Variants in GSE1 observed in about 807,000 individuals in gnomAD.
GSE1 encodes Gse1 coiled-coil protein.
In GSE1, 32 loss-of-function variants were observed where a neutral mutation model predicts 112.6. That is an observed-to-expected ratio of 0.28 (90% CI 0.21 to 0.38). GSE1 has a LOEUF of 0.38. Ranked by LOEUF, GSE1 falls within the 10% of genes least tolerant of loss-of-function variation. The probability of loss-of-function intolerance (pLI) is 1.00; values close to 1 mark genes in which losing one functional copy is unlikely to be tolerated. For missense variants in GSE1, 2,348 were observed against 1,699.2 expected, an observed-to-expected ratio of 1.38 and a Z score of -6.71; for synonymous variants, 1,115 against 735.6, an observed-to-expected ratio of 1.52 and a Z score of -8.35.
intron 1 of GSE1, among the ~76,000 whole-genome samples, chr16:85,207,642 G>A (rs570333731): frequency 3.3e-4 from 50 of 152,340 alleles, no homozygotes; most frequent in African/African-American, 1.1e-3. Context: ...AGATGAGGCT[G>A]GGTTGAATCC....
intron 2 of GSE1, among the ~76,000 whole-genome samples, chr16:85,527,028 G>C (rs1295172926): frequency 6.6e-6 from 1 of 152,228 alleles, no homozygotes; most frequent in Non-Finnish European, 1.5e-5. Flanking sequence ...CCGTGGTGCA[G>C]GGATTTGGGG....
rs527695604 is a variant in GSE1 at position 85,294,071 on chromosome 16, A to T, written c.2284-63392A>T. Among the ~76,000 whole-genome samples, 648 of 152,290 alleles carry T rather than the reference A, an allele frequency of 4.3e-3. 3 individuals carry two copies. The highest frequency in any genetic ancestry group is 4.8e-3 in the Admixed American group (73 of 15,302). ...TCCCCGGCCGCTGGTGAAATGAGAA[A>T]ACACCGGCAAAGACTCCAGAGCATA... On this transcript the variant is annotated intron_variant, in intron 1 of 2. Transcript: ENST00000637419.
chr16:85,528,982 A>G (rs1485991989), intron 2 of GSE1, among the ~76,000 whole-genome samples: 1 of 152,136 alleles, frequency 6.6e-6, no homozygotes, highest in African/African-American at 2.4e-5. Flanking sequence ...TTTACTCAGA[A>G]TCAAATGGGA....
intron 2 of GSE1, among the ~76,000 whole-genome samples, chr16:85,491,457 G>A (rs1307559850): frequency 1.3e-5 from 2 of 152,184 alleles, no homozygotes; most frequent in Non-Finnish European, 2.9e-5. Flanking sequence ...AGTGGGTTGG[G>A]AGGGGCTTTA....
intron 2 of GSE1, among the ~76,000 whole-genome samples, chr16:85,547,839 A>C (rs2044753254): frequency 6.8e-6 from 1 of 147,946 alleles, no homozygotes; most frequent in African/African-American, 2.5e-5. Flanking sequence ...AGATGACACC[A>C]CTGCACTCCA....
At chr16:85,641,485 C>T (rs746896539) in intron 2 of GSE1, among the ~76,000 whole-genome samples, 1 of 149,084 alleles carries the variant, frequency 6.7e-6, no homozygotes, top group Non-Finnish European at 1.5e-5. Flanking sequence ...GGCCGCGGGT[C>T]GGGAGAGCCC....
In GSE1 at chr16:85,274,843, T is replaced by C. The variant is rs1346075244; in HGVS notation, c.2284-82620T>C. ...ACTGGCACCTGCCTCCAGCAGCAGG[T>C]CACCTGCAGAAAGCTCAGTCCTGGA... is the stretch of plus-strand genomic sequence containing the variant. On this transcript the variant is annotated intron_variant, in intron 1 of 2. Transcript: ENST00000637419. Among the ~76,000 whole-genome samples, 3 of 152,218 alleles carry C rather than the reference T, an allele frequency of 2.0e-5. No homozygotes were observed. The East Asian group carries it at 5.8e-4, about 29-fold the overall frequency.
chr16:85,236,563 G>A (rs1904689261), intron 1 of GSE1, among the ~76,000 whole-genome samples: 1 of 152,182 alleles, frequency 6.6e-6, no homozygotes, highest in Admixed American at 6.5e-5. Context: ...GGTGTGGAGA[G>A]AGAACAGTGT....
At chr16:85,481,529 A>G (rs1163987322) in intron 2 of GSE1, among the ~76,000 whole-genome samples, 2 of 152,184 alleles carry the variant, frequency 1.3e-5, no homozygotes, top group Non-Finnish European at 1.5e-5. Flanking sequence ...TCTTCCTTCC[A>G]GGTGGGGAGT....
At chr16:85,452,236 G>A (rs1013398416) in intron 2 of GSE1, among the ~76,000 whole-genome samples, 9 of 152,204 alleles carry the variant, frequency 5.9e-5, no homozygotes, top group Non-Finnish European at 1.0e-4. Context: ...GACTCCTCGC[G>A]TCCCTAATGT....
intron 1 of GSE1, among the ~76,000 whole-genome samples, chr16:85,626,975 A>C (rs1005947371): frequency 2.0e-5 from 3 of 148,402 alleles, no homozygotes; most frequent in African/African-American, 7.5e-5. Flanking sequence ...GGGTTCCGGA[A>C]AATAGCAGCT....
At chr16:85,249,429 C>G (rs1906211919) in intron 1 of GSE1, among the ~76,000 whole-genome samples, 1 of 152,236 alleles carries the variant, frequency 6.6e-6, no homozygotes, top group Admixed American at 6.5e-5. Context: ...GGCAGCAACC[C>G]CGAGGTGAGG....
rs1401987700 is a variant in GSE1 at position 85,664,961 on chromosome 16, C to G, written c.2645-54C>G. ...GCTCGGCTAGAATCCCGCTGTCCTTCTCTCCAAAAAATGATGCAACTGGCT... is the reference window on the plus strand; with the variant it reads ...GCTCGGCTAGAATCCCGCTGTCCTTGTCTCCAAAAAATGATGCAACTGGCT... On this transcript the variant is annotated intron_variant, in intron 11 of 15. Coordinates refer to ENST00000253458, the MANE Select transcript of GSE1 (RefSeq NM_014615.5). 6 of 1,196,724 alleles carry G rather than the reference C, an allele frequency of 5.0e-6. No individual in the cohort carries two copies. The Admixed American group carries it at 1.0e-4, about 20-fold the overall frequency. The allele number at this position is 1,196,724 out of a possible 1,614,324, so 74.1% of individuals were successfully genotyped here.
intron 1 of GSE1, among the ~76,000 whole-genome samples, chr16:85,326,860 C>G (rs1326454040): frequency 1.3e-5 from 2 of 152,230 alleles, no homozygotes; most frequent in Middle Eastern, 3.2e-3. Context: ...CAGTCCCTGC[C>G]TGGAAACATT....
In GSE1 at chr16:85,675,506, G is replaced by T. The variant is rs1208719100; in HGVS notation, c.*2967G>T. 2 of 152,110 alleles carry T rather than the reference G, an allele frequency of 1.3e-5. No homozygotes were observed. Among genetic ancestry groups the T allele is most frequent in the African/African-American group, 2.4e-5 (1 of 41,398 alleles). 9.4% of individuals were successfully genotyped at this position (152,110 alleles called of 1,614,324 possible). On this transcript the variant is annotated 3_prime_UTR_variant, in exon 16 of 16. Coordinates refer to ENST00000253458, the MANE Select transcript of GSE1 (RefSeq NM_014615.5). ...CTTAAAGGAATAAAGCACTGAATTG[G>T]GACTAACATTCTGATAGGTTGCACC...
At chr16:85,182,050 G>A (rs1427267348) in intron 1 of GSE1, among the ~76,000 whole-genome samples, 2 of 152,220 alleles carry the variant, frequency 1.3e-5, no homozygotes, top group Non-Finnish European at 2.9e-5. Context: ...CCAGAATGTG[G>A]CTTCGTGCTC....
chr16:85,413,832 T>C (rs1597678873), intron 2 of GSE1, among the ~76,000 whole-genome samples: 1 of 151,998 alleles, frequency 6.6e-6, no homozygotes, highest in Non-Finnish European at 1.5e-5. Context: ...TGGTGGGAGG[T>C]GACTAGATCA....
intron 1 of GSE1, among the ~76,000 whole-genome samples, chr16:85,258,690 G>C (rs140322194): frequency 6.6e-5 from 10 of 152,246 alleles, no homozygotes; most frequent in African/African-American, 2.4e-4. Flanking sequence ...GGGGTTCCCA[G>C]ATGTCCTTCC....
chr16:85,396,191 C>G (rs1264153117), intron 2 of GSE1, among the ~76,000 whole-genome samples: 3 of 152,186 alleles, frequency 2.0e-5, no homozygotes, highest in Non-Finnish European at 4.4e-5. Context: ...TTGCCCCTGC[C>G]CGTCTCCTCC....
Sources: gnomAD v4.1 joint callset for allele counts (sites outside exome capture counted in the v4.1 genomes callset) on GRCh38, gnomAD v4.1.1 for gene constraint, MANE v1.5 for transcripts, NCBI Gene and HGNC (gene_info 2026-07-23, HGNC 2026-07-21) for gene names.